Variants in ZSCAN30 observed in about 807,000 individuals in gnomAD.
ZSCAN30 encodes zinc finger and SCAN domain-containing protein 30.
A neutral mutation model predicts 44.3 loss-of-function variants in ZSCAN30; 37 were observed. The ratio of observed to expected loss-of-function variants is 0.84; its 90% confidence interval spans 0.64 to 1.10. ZSCAN30 has a LOEUF of 1.10. Among genes scored for constraint, ZSCAN30 ranks in the 50% least tolerant of loss-of-function variants. The pLI is 0.00. For missense variants in ZSCAN30, 549 were observed against 582.6 expected, an observed-to-expected ratio of 0.94 and a Z score of 0.59; for synonymous variants, 181 against 204.6, an observed-to-expected ratio of 0.88 and a Z score of 0.98.
chr18:35,289,158 T>C (rs1309137408), intron 1 of ZSCAN30, among the ~76,000 whole-genome samples: 1 of 152,100 alleles, frequency 6.6e-6, no homozygotes, highest in Non-Finnish European at 1.5e-5. Flanking sequence ...GTATTTGTAG[T>C]AGAGACAGGG....
intron 3 of ZSCAN30, chr18:35,255,046 A>T (rs1364565746): frequency 6.5e-6 from 1 of 153,462 alleles, no homozygotes; most frequent in Non-Finnish European, 1.5e-5. Context: ...TTGCACTTAA[A>T]TCATCCATGG....
At chr18:35,263,465 A>AGGAG in intron 3 of ZSCAN30, 48 bp downstream of exon 3, 1 of 1,608,228 alleles carries the variant, frequency 6.2e-7, no homozygotes, top group Non-Finnish European at 8.5e-7. Flanking sequence ...GCCACAGTTG[A>AGGAG]TAGCTCTCAC....
chr18:35,263,428 G>A, intron 3 of ZSCAN30, 85 bp downstream of exon 3: 3 of 1,551,412 alleles, frequency 1.9e-6, no homozygotes, highest in Admixed American at 1.7e-5. Flanking sequence ...ATAGCCACAA[G>A]TGGCTGTCGT....
At chr18:35,271,693 C>T (rs1282515380) in intron 1 of ZSCAN30, among the ~76,000 whole-genome samples, 1 of 152,226 alleles carries the variant, frequency 6.6e-6, no homozygotes, top group Non-Finnish European at 1.5e-5. Flanking sequence ...CCGGGCACCA[C>T]GGAGCAGGGG....
intron 1 of ZSCAN30, among the ~76,000 whole-genome samples, chr18:35,273,730 T>C (rs533685993): frequency 7.9e-5 from 12 of 152,370 alleles, no homozygotes; most frequent in African/African-American, 2.6e-4. Context: ...CTTATGCCAG[T>C]ACCACACTGT....
intron 3 of ZSCAN30, chr18:35,262,695 G>C (rs1322786046): frequency 1.3e-5 from 2 of 152,246 alleles, no homozygotes; most frequent in Non-Finnish European, 2.9e-5. Flanking sequence ...GGAGCTTCTA[G>C]CACCCCAGAG....
In ZSCAN30 at chr18:35,254,260, A is replaced by T. The variant is rs1226186952; in HGVS notation, c.675T>A (p.Ala225=). The change falls in exon 4 of 4, where the codon GCT becomes GCA. Residue 225 remains alanine, a synonymous_variant. Transcript: ENST00000333206. The part of the protein sequence containing the change: ...LPGETHSQRI[A]EEALGGLDNS... ...TGTCCAGACCTCCCAAAGCTTCTTC[A>T]GCTATCCGTTGGGAATGTGTTTCTC... The T allele has an allele frequency of 2.5e-6, 4 of 1,613,990 alleles. No individual in the cohort carries two copies. Among genetic ancestry groups the T allele is most frequent in the Non-Finnish European group, 3.4e-6 (4 of 1,179,988 alleles).
At chr18:35,263,916 TCAAA>T (rs759737473) in intron 2 of ZSCAN30, 25 bp downstream of exon 2, 22 of 1,600,728 alleles carry the variant, frequency 1.4e-5, no homozygotes, top group Non-Finnish European at 1.7e-5. Flanking sequence ...TTACAATAGA[TCAAA>T]CAAACAAAAA....
intron 1 of ZSCAN30, among the ~76,000 whole-genome samples, chr18:35,274,421 A>G (rs547373313): frequency 2.0e-5 from 3 of 152,302 alleles, no homozygotes; most frequent in African/African-American, 7.2e-5. Flanking sequence ...ATCACAAACC[A>G]GTTTTAGGTA....
intron 1 of ZSCAN30, among the ~76,000 whole-genome samples, chr18:35,277,358 G>A (rs1325250048): frequency 6.6e-6 from 1 of 152,082 alleles, no homozygotes; most frequent in Non-Finnish European, 1.5e-5. Context: ...GAGGGGCCAG[G>A]GGCAAAATGA....
At chr18:35,285,191 A>T (rs1167934106) in intron 1 of ZSCAN30, 1 of 152,426 alleles carries the variant, frequency 6.6e-6, no homozygotes, top group East Asian at 1.9e-4. Flanking sequence ...AAAAAAAGAG[A>T]AAAAGGAAAA....
At chr18:35,262,007 G>A (rs962973665) in intron 3 of ZSCAN30, 1 of 152,142 alleles carries the variant, frequency 6.6e-6, no homozygotes, top group African/African-American at 2.4e-5. Flanking sequence ...GTGGATGGAT[G>A]GTATGGATTC....
chr18:35,259,474 C>A (rs183825753), intron 3 of ZSCAN30, among the ~76,000 whole-genome samples: 11 of 152,336 alleles, frequency 7.2e-5, no homozygotes, highest in Admixed American at 6.5e-5. Flanking sequence ...GCCACTGCAC[C>A]CGGCCACAGA....
intron 1 of ZSCAN30, among the ~76,000 whole-genome samples, chr18:35,266,445 G>C (rs1313306063): frequency 6.6e-6 from 1 of 152,088 alleles, no homozygotes; most frequent in Non-Finnish European, 1.5e-5. Flanking sequence ...TTGACACACC[G>C]TATAAGGGCT....
At chr18:35,281,389 C>T (rs1215644924) in intron 1 of ZSCAN30, 2 of 152,136 alleles carry the variant, frequency 1.3e-5, no homozygotes, top group Admixed American at 6.5e-5. Context: ...CAAACTCACA[C>T]ACAGAAAGCA....
At chr18:35,272,953 A>C (rs1482255611) in intron 1 of ZSCAN30, among the ~76,000 whole-genome samples, 2 of 152,208 alleles carry the variant, frequency 1.3e-5, no homozygotes, top group Non-Finnish European at 2.9e-5. Context: ...ATTCACTTCC[A>C]CGAGAACAGT....
In ZSCAN30 at chr18:35,252,048, TA is replaced by T. The variant is rs1228307914; in HGVS notation, c.*1401del. The T allele has an allele frequency of 6.6e-6, 1 of 152,190 alleles. No individual in the cohort carries two copies. Among genetic ancestry groups the T allele is most frequent in the Non-Finnish European group, 1.5e-5 (1 of 68,042 alleles). 9.4% of individuals were successfully genotyped at this position (152,190 alleles called of 1,614,324 possible). On this transcript the variant is annotated 3_prime_UTR_variant, in exon 4 of 4. Transcript: ENST00000333206. ...TATAGCCCATACAATGGCATGAAGA[TA>T]AGATAGGATCTGGAGACAGCCCATC...
intron 1 of ZSCAN30, among the ~76,000 whole-genome samples, chr18:35,265,720 C>T (rs142116595): frequency 6.6e-6 from 1 of 152,322 alleles, no homozygotes; most frequent in Non-Finnish European, 1.5e-5. Context: ...AGCATTTACT[C>T]TGTGCTAGAT....
intron 1 of ZSCAN30, among the ~76,000 whole-genome samples, chr18:35,280,111 C>CA (rs1195895721): frequency 6.6e-6 from 1 of 151,622 alleles, no homozygotes; most frequent in Non-Finnish European, 1.5e-5. Context: ...CCTGACTCTA[C>CA]AAAAAAATAG....
Sources: gnomAD v4.1 joint callset for allele counts (sites outside exome capture counted in the v4.1 genomes callset) on GRCh38, gnomAD v4.1.1 for gene constraint, MANE v1.5 for transcripts, NCBI Gene and HGNC (gene_info 2026-07-23, HGNC 2026-07-21) for gene names.